The following COMMD10 variants were observed in gnomAD, a reference collection of about 807,000 sequenced individuals.
COMMD10 encodes COMM domain containing 10.
In COMMD10, 33 loss-of-function variants were observed where a neutral mutation model predicts 28.9. The ratio of observed to expected loss-of-function variants is 1.14; its 90% CI spans 0.87 to 1.53. COMMD10 has a LOEUF of 1.53. COMMD10 is among the 40% of genes most tolerant of loss of function. The pLI is 0.00. For synonymous variants in COMMD10, 110 were observed against 81.7 expected (o/e 1.35, Z -1.87); for missense variants, 310 against 233.4 (o/e 1.33, Z -2.14).
chr5:116,186,145 G>A (rs991615547), intron 5 of COMMD10, among the ~76,000 whole-genome samples: 7 of 151,968 alleles, frequency 4.6e-5, no homozygotes, highest in East Asian at 1.9e-4. Flanking sequence ...TCCAAGCATC[G>A]AATGAAGGTA....
chr5:116,124,328 C>T (rs1044061637), intron 4 of COMMD10, among the ~76,000 whole-genome samples: 1 of 152,046 alleles, frequency 6.6e-6, no homozygotes, highest in Non-Finnish European at 1.5e-5. Context: ...CGTTACTTAC[C>T]CAGTAGTCAT....
At chr5:116,282,514 T>G (rs1028623871) in intron 5 of COMMD10, among the ~76,000 whole-genome samples, 1 of 151,956 alleles carries the variant, frequency 6.6e-6, no homozygotes, top group African/African-American at 2.4e-5. Flanking sequence ...TAAAGATCTC[T>G]TTTATCTATC....
At chr5:116,169,199 A>G (rs1753237563) in intron 5 of COMMD10, among the ~76,000 whole-genome samples, 1 of 152,162 alleles carries the variant, frequency 6.6e-6, no homozygotes. Context: ...ACAAACTACC[A>G]TCAGAGAATA....
chr5:116,191,758 G>A lies in COMMD10; in HGVS notation c.510+57580G>A, dbSNP rs551237342. On this transcript the variant is annotated intron_variant, in intron 5 of 6. Transcript: ENST00000274458. ...ATAATCTTGGGAGTTCTAAGCCCCT[G>A]CCCATTGCTGGTCCCTCTCTGCACT... is the stretch of plus-strand genomic sequence containing the variant. 1.8e-4 allele frequency among the ~76,000 whole-genome samples: 28 copies of A among 152,056 alleles called. No homozygotes were observed. The East Asian group carries it at 4.3e-3, about 23-fold the overall frequency.
intron 5 of COMMD10, among the ~76,000 whole-genome samples, chr5:116,223,635 C>T (rs375184570): frequency 6.6e-6 from 1 of 151,960 alleles, no homozygotes; most frequent in Non-Finnish European, 1.5e-5. Context: ...AAGGTGAGAC[C>T]GTAAGGTTGA....
At chr5:116,245,117 C>T (rs557698792) in intron 5 of COMMD10, among the ~76,000 whole-genome samples, 7 of 151,434 alleles carry the variant, frequency 4.6e-5, no homozygotes, top group Admixed American at 2.0e-4. Flanking sequence ...AGAGAATATT[C>T]ATATAAACAC....
At chr5:116,288,854 A>G (rs1257026511) in intron 5 of COMMD10, among the ~76,000 whole-genome samples, 7 of 127,410 alleles carry the variant, frequency 5.5e-5, no homozygotes, top group African/African-American at 8.5e-5. Context: ...ATTGTTTTCA[A>G]TTGTTGGTGT....
chr5:116,123,694 G>A (rs1751519712), intron 4 of COMMD10, among the ~76,000 whole-genome samples: 1 of 152,076 alleles, frequency 6.6e-6, no homozygotes, highest in Non-Finnish European at 1.5e-5. Flanking sequence ...GAATCTGTCT[G>A]GTCCTTGGCT....
At chr5:116,162,303 G>A (rs1259996387) in intron 5 of COMMD10, among the ~76,000 whole-genome samples, 1 of 151,296 alleles carries the variant, frequency 6.6e-6, no homozygotes, top group Non-Finnish European at 1.5e-5. Flanking sequence ...TAAGACTGCA[G>A]TACAAGAAAA....
At position 116,146,316 on chromosome 5, in the gene COMMD10, G is replaced by C. The variant is rs182524016; in HGVS notation, c.510+12138G>C. On this transcript the variant is annotated intron_variant, in intron 5 of 6. Coordinates refer to ENST00000274458, the MANE Select transcript of COMMD10 (RefSeq NM_016144.4). ...CCCAGCATCTGCTGGAGATAGTAGA[G>C]TATTAATTTCATAATGAGCCCATTA... Among the ~76,000 whole-genome samples, 69 of 151,936 alleles carry C rather than the reference G, an allele frequency of 4.5e-4. 1 individual carries two copies. The East Asian group carries it at 9.5e-3, about 21-fold the overall frequency.
chr5:116,129,081 CTT>C (rs1199228324), intron 4 of COMMD10, among the ~76,000 whole-genome samples: 1 of 151,744 alleles, frequency 6.6e-6, no homozygotes, highest in Non-Finnish European at 1.5e-5. Context: ...CCACGTGAGA[CTT>C]TCTCCACTTT....
At chr5:116,086,991 T>G (rs62384678) in intron 1 of COMMD10, among the ~76,000 whole-genome samples, 2 of 152,138 alleles carry the variant, frequency 1.3e-5, no homozygotes, top group Admixed American at 1.3e-4. Flanking sequence ...TTGATTACTG[T>G]TGTAATAATA....
intron 5 of COMMD10, among the ~76,000 whole-genome samples, chr5:116,136,606 TAA>T (rs1041337407): frequency 4.6e-5 from 7 of 152,160 alleles, no homozygotes; most frequent in African/African-American, 1.4e-4. Flanking sequence ...GCAGTAGGAA[TAA>T]AAGAGTAATG....
At chr5:116,134,275 A>C in intron 5 of COMMD10, 97 bp downstream of exon 5, 1 of 683,024 alleles carries the variant, frequency 1.5e-6, no homozygotes, top group Non-Finnish European at 2.6e-6. Flanking sequence ...TAGAATTTAA[A>C]CATAATTCAG....
intron 4 of COMMD10, among the ~76,000 whole-genome samples, chr5:116,124,532 G>T (rs1751552150): frequency 6.6e-6 from 1 of 152,146 alleles, no homozygotes; most frequent in Admixed American, 6.6e-5. Flanking sequence ...GTGCTGAGAA[G>T]AATGTATATT....
intron 5 of COMMD10, among the ~76,000 whole-genome samples, chr5:116,202,472 C>CAATGGTTGA (rs1421095529): frequency 2.6e-5 from 4 of 151,950 alleles, no homozygotes; most frequent in African/African-American, 9.7e-5. Context: ...CAGACTTCCA[C>CAATGGTTGA]AATGGTTGAA....
chr5:116,264,865 T>G (rs544136701), intron 5 of COMMD10, among the ~76,000 whole-genome samples: 28 of 152,000 alleles, frequency 1.8e-4, no homozygotes, highest in African/African-American at 6.5e-4. Context: ...CTATTCCATG[T>G]AAATGACATG....
chr5:116,139,433 T>C (rs1308470851), intron 5 of COMMD10, among the ~76,000 whole-genome samples: 1 of 151,718 alleles, frequency 6.6e-6, no homozygotes, highest in East Asian at 1.9e-4. Flanking sequence ...TCAGATCTAT[T>C]TAGGATAGAT....
intron 5 of COMMD10, among the ~76,000 whole-genome samples, chr5:116,151,079 A>C (rs1165788317): frequency 5.9e-5 from 9 of 151,600 alleles, no homozygotes; most frequent in Admixed American, 5.9e-4. Context: ...GCGTTGTTGA[A>C]TTTTGTCAAA....
Sources: allele counts gnomAD v4.1 joint callset (sites outside exome capture counted in the v4.1 genomes callset), GRCh38; gene constraint gnomAD v4.1.1; transcripts MANE v1.5; gene names NCBI Gene and HGNC (gene_info 2026-07-23, HGNC 2026-07-21).